PNPLA4: variants seen among roughly 807,000 people sequenced by gnomAD.
The protein encoded by PNPLA4 is patatin like domain 4, phospholipase and triacylglycerol lipase.
Under a neutral mutation model 18.3 loss-of-function variants are expected in PNPLA4, and 15 were observed. The ratio of observed to expected loss-of-function variants is 0.82; its 90% confidence interval spans 0.55 to 1.26. The LOEUF is 1.26. Among genes scored for constraint, PNPLA4 ranks in the 50% most tolerant of loss-of-function variants. PNPLA4 has a pLI of 0.00. For synonymous variants in PNPLA4, 88 were observed against 85.6 expected (o/e 1.03, Z -0.16); for missense variants, 229 against 196.8 (o/e 1.16, Z -0.98).
intron 5 of PNPLA4, among the ~76,000 whole-genome samples, chrX:7,905,116 T>C (rs1360169160): frequency 8.9e-6 from 1 of 111,997 alleles, no homozygotes; most frequent in African/African-American, 3.2e-5. Context: ...AACTGCTCAA[T>C]AGAAAAACCA....
chrX:7,906,131 C>G (rs1449780846), intron 5 of PNPLA4, among the ~76,000 whole-genome samples: 1 of 111,683 alleles, frequency 9.0e-6, no homozygotes, highest in Non-Finnish European at 1.9e-5. Context: ...TTCTTATTTG[C>G]AAACATATCT....
Position 7,902,039 on chromosome X carries a change from C to T in PNPLA4, c.580G>A (p.Asp194Asn), listed in dbSNP as rs201551983. The T allele has an allele frequency of 8.3e-6, 10 of 1,207,152 alleles. No homozygotes were observed. The East Asian group carries it at 2.7e-4, about 32-fold the overall frequency. ...ACATACAGATCTAGCTGCCCTTTGT[C>T]CTGCGGGGAGATGTCCAGTCGTCCA... ...FSGRLDISPQ[D>N]KGQLDLYVNI... The change falls in exon 6 of 7, where the codon GAC becomes AAC. Residue 194 changes from aspartate (D) to asparagine (N), a missense_variant. By Grantham distance (23) the Asp-to-Asn change is conservative. Coordinates refer to ENST00000381042, the MANE Select transcript of PNPLA4 (RefSeq NM_004650.3).
At chrX:7,910,750 A>C in intron 5 of PNPLA4, among the ~76,000 whole-genome samples, 1 of 110,045 alleles carries the variant, frequency 9.1e-6, no homozygotes, top group Admixed American at 9.8e-5. Context: ...TATCTCTGGT[A>C]TGTGCTAAAC....
In PNPLA4 at chrX:7,912,060, C is replaced by A. The variant is rs1923894112; in HGVS notation, c.445G>T (p.Ala149Ser). The A allele has an allele frequency of 1.7e-6, 2 of 1,205,894 alleles. No individual in the cohort carries two copies. The highest frequency in any genetic ancestry group is 2.2e-6 in the Non-Finnish European group (2 of 891,121). ...LLASSFVPIY[A>S]GLKLVEYKGQ... ...TTGTATTCCACTAGCTTCAGTCCTG[C>A]ATAAATGGGCACAAAACTGCTGGCT... The change falls in exon 5 of 7, where the codon GCA (alanine) becomes TCA (serine). Residue 149 changes from alanine (A) to serine (S), a missense_variant. Ala to Ser is a moderately conservative substitution (Grantham distance 99). Coordinates refer to ENST00000381042, the MANE Select transcript of PNPLA4 (RefSeq NM_004650.3).
At position 7,900,274 on chromosome X, in the gene PNPLA4, A is replaced by C. The variant is rs1464170706; in HGVS notation, c.*412T>G. On this transcript the variant is annotated 3_prime_UTR_variant, in exon 7 of 7. Coordinates refer to ENST00000381042, the MANE Select transcript of PNPLA4 (RefSeq NM_004650.3). ...TTCTCAAATCCTTCCTCTCCTACCT[A>C]GTTCCTTCAGTTCCAGAGCTACAGG... 8.7e-6 allele frequency: 1 copy of C among 115,259 alleles called. No homozygotes were observed. The highest frequency in any genetic ancestry group is 3.3e-5 in the African/African-American group (1 of 30,733). The allele number at this position is 115,259 out of a possible 1,213,427, so 9.5% of individuals were successfully genotyped here. A position where few individuals can be genotyped will look rare whatever the true frequency, so the allele number is the denominator to read the frequency against.
Position 7,921,745 on chromosome X carries a change from A to T in PNPLA4, c.379T>A (p.Ser127Thr). ...AGGTCCTCCCTGGAGGAAAAAGTGGAGACTAAGTGATTTTCTCTGGTTTTG... is the reference window on the plus strand; with the variant it reads ...AGGTCCTCCCTGGAGGAAAAAGTGGTGACTAAGTGATTTTCTCTGGTTTTG... ...NAKTRENHLV[S>T]TFSSREDLIK... The change falls in exon 4 of 7, where the codon TCC becomes ACC. Residue 127 changes from serine (S) to threonine (T), a missense_variant. Ser to Thr is a moderately conservative substitution (Grantham distance 58). Coordinates refer to ENST00000381042, the MANE Select transcript of PNPLA4 (RefSeq NM_004650.3). The T allele has an allele frequency of 8.3e-7, 1 of 1,209,212 alleles. No homozygotes were observed. The highest frequency in any genetic ancestry group is 1.1e-6 in the Non-Finnish European group (1 of 893,288).
chrX:7,918,359 G>A (rs1444207690), intron 4 of PNPLA4, among the ~76,000 whole-genome samples: 1 of 111,739 alleles, frequency 8.9e-6, no homozygotes, highest in Non-Finnish European at 1.9e-5. Context: ...TGAGAGAGAA[G>A]CAAAAGCAGA....
At chrX:7,920,246 GCACA>G (rs67442273) in intron 4 of PNPLA4, among the ~76,000 whole-genome samples, 43,555 of 109,467 alleles carry the variant, frequency 0.4, 6,415 homozygotes, top group East Asian at 0.66. Flanking sequence ...TGTCACAAGA[GCACA>G]CAGTCTGTTC....
chrX:7,917,138 C>T, intron 4 of PNPLA4, among the ~76,000 whole-genome samples: 1 of 112,589 alleles, frequency 8.9e-6, no homozygotes, highest in Non-Finnish European at 1.9e-5. Context: ...AGTTGGACCA[C>T]ACAGTCCACA....
intron 2 of PNPLA4, among the ~76,000 whole-genome samples, chrX:7,923,461 G>C (rs1229346918): frequency 2.7e-5 from 3 of 112,010 alleles, no homozygotes; most frequent in Non-Finnish European, 5.6e-5. Flanking sequence ...TTTTAGCTCA[G>C]TGAGACCCTT....
chrX:7,913,472 G>A (rs1050177543), intron 4 of PNPLA4, among the ~76,000 whole-genome samples: 10 of 112,205 alleles, frequency 8.9e-5, no homozygotes, highest in African/African-American at 3.2e-4. Context: ...GGCTCCTGAC[G>A]AGTGCCCACA....
chrX:7,925,921 T>A lies in PNPLA4; in HGVS notation c.180+19A>T, dbSNP rs1259621963. 8.4e-7 allele frequency: 1 copy of A among 1,196,848 alleles called. No homozygotes were observed. On this transcript the variant is annotated intron_variant, in intron 2 of 6. Transcript: ENST00000381042. ...TAATTTCTTGATGAGGAACACAGCC[T>A]AAGTTACTACTTAATTACCTCTATT...
At chrX:7,921,268 T>C (rs1210663527) in intron 4 of PNPLA4, among the ~76,000 whole-genome samples, 4 of 108,908 alleles carry the variant, frequency 3.7e-5, no homozygotes, top group Non-Finnish European at 7.6e-5. Context: ...AGACTCCATC[T>C]CAAAACAAAA....
rs1207796886 is a variant in PNPLA4, at chrX:7,899,944, G to A, written c.*742C>T. The A allele has an allele frequency of 9.0e-6, 1 of 111,655 alleles. No homozygotes were observed. 9.2% of individuals were successfully genotyped at this position (111,655 alleles called of 1,213,427 possible). A position where few individuals can be genotyped will look rare whatever the true frequency, so the allele number is the denominator to read the frequency against. On this transcript the variant is annotated 3_prime_UTR_variant, in exon 7 of 7. Coordinates refer to ENST00000381042, the MANE Select transcript of PNPLA4 (RefSeq NM_004650.3). ...CAGTGGGAGGTAACTGAATCATGGA[G>A]GCAGGTCTTTCCCATGCTATTCTCA...
chrX:7,919,016 G>A (rs1420099359), intron 4 of PNPLA4, among the ~76,000 whole-genome samples: 2 of 112,028 alleles, frequency 1.8e-5, no homozygotes, highest in Admixed American at 9.5e-5. Context: ...TCCTAAACAC[G>A]TGGAATGTTT....
chrX:7,903,114 T>G (rs986768520), intron 5 of PNPLA4, among the ~76,000 whole-genome samples: 1 of 111,748 alleles, frequency 8.9e-6, no homozygotes, highest in Non-Finnish European at 1.9e-5. Context: ...AAACTGAGTT[T>G]TGCTTCAATG....
Position 7,899,558 on chromosome X carries a change from CTATT to C in PNPLA4, c.*1124_*1127del, listed in dbSNP as rs1208149251. The stretch of plus-strand genomic sequence containing the variant: ...TTCTTTGTGTTTAGTAGTATTTTAT[CTATT>C]TAAGTTCCCATAATAGATGTATCCA... On this transcript the variant is annotated 3_prime_UTR_variant, in exon 7 of 7. Coordinates refer to ENST00000381042, the MANE Select transcript of PNPLA4 (RefSeq NM_004650.3). 1 of 101,895 alleles carries C rather than the reference CTATT, an allele frequency of 9.8e-6. No homozygotes were observed. Among genetic ancestry groups the C allele is most frequent in the Non-Finnish European group, 2.0e-5 (1 of 50,770 alleles). 8.4% of individuals were successfully genotyped at this position (101,895 alleles called of 1,213,427 possible).
chrX:7,906,013 G>GT (rs1372730809), intron 5 of PNPLA4, among the ~76,000 whole-genome samples: 2 of 111,976 alleles, frequency 1.8e-5, no homozygotes, highest in Non-Finnish European at 1.9e-5. Context: ...TTCACTTCAG[G>GT]TTTTTTTTCT....
At chrX:7,903,186 G>A (rs1923594380) in intron 5 of PNPLA4, among the ~76,000 whole-genome samples, 1 of 111,779 alleles carries the variant, frequency 8.9e-6, no homozygotes, top group African/African-American at 3.2e-5. Context: ...GCAAGAGGAG[G>A]GAGAAACAGG....
Sources: allele counts gnomAD v4.1 joint callset (sites outside exome capture counted in the v4.1 genomes callset), GRCh38; gene constraint gnomAD v4.1.1; transcripts MANE v1.5; gene names NCBI Gene and HGNC (gene_info 2026-07-23, HGNC 2026-07-21).